The following NEB variants were observed in gnomAD, a reference collection of about 807,000 sequenced individuals.
NEB encodes the protein nebulin.
A neutral mutation model predicts 952.2 loss-of-function variants in NEB; 512 were observed. The ratio of observed to expected loss-of-function variants is 0.54; its 90% CI spans 0.50 to 0.58. NEB has a LOEUF of 0.58. Ranked by LOEUF, NEB falls within the 20% of genes least tolerant of loss-of-function variation. NEB has a pLI of 0.00. For missense variants in NEB, 8,428 were observed against 9,231.1 expected (o/e 0.91, Z 3.56); for synonymous variants, 2,900 against 3,149.8 (o/e 0.92, Z 2.66).
Position 151,614,473 on chromosome 2 carries a change from T to A in NEB, c.11404A>T (p.Arg3802Trp). 1 of 1,613,922 alleles carries A rather than the reference T, an allele frequency of 6.2e-7. No homozygotes were observed. The highest frequency in any genetic ancestry group is 8.5e-7 in the Non-Finnish European group (1 of 1,179,846). Residue 3802 changes from arginine to tryptophan, a missense_variant, in exon 77 of 182, where the codon AGG becomes TGG. Physicochemically the swap from Arg to Trp is moderately radical, Grantham distance 101. Coordinates refer to ENST00000397345, the MANE Select transcript of NEB (RefSeq NM_001164508.2). ...SIHVAKIQSD[R>W]EYKKEFEKWK... ...TTCTCAAACTCCTTCTTGTACTCCC[T>A]GTCACTCTGGATCTTGGCCACATGG...
intron 142 of NEB, among the ~76,000 whole-genome samples, chr2:151,533,986 C>T (rs2092492421): frequency 6.6e-6 from 1 of 152,148 alleles, no homozygotes; most frequent in Non-Finnish European, 1.5e-5. Flanking sequence ...GATGGGAGGA[C>T]CCAGCTTTTC....
At chr2:151,618,691 AG>A (rs2098288593) in intron 73 of NEB, among the ~76,000 whole-genome samples, 1 of 152,216 alleles carries the variant, frequency 6.6e-6, no homozygotes, top group Non-Finnish European at 1.5e-5. Flanking sequence ...GAATGATAAA[AG>A]ATCTTCTTTT....
chr2:151,694,336 T>G lies in NEB; in HGVS notation c.1883A>C (p.Lys628Thr), dbSNP rs1176664285. 6.2e-7 allele frequency: 1 copy of G among 1,613,848 alleles called. No homozygotes were observed. Among genetic ancestry groups the G allele is most frequent in the East Asian group, 2.2e-5 (1 of 44,888 alleles). Residue 628 changes from lysine to threonine, a missense_variant, in exon 20 of 182, where the codon AAA becomes ACA. By Grantham distance (78) the Lys-to-Thr change is moderately conservative. Transcript: ENST00000397345. The stretch of plus-strand genomic sequence containing the variant: ...AAAGAAACTCACATCACTCTGGTTT[T>G]TGGCCACCTTCAAGGAGTGCAGCAT... ...PKMLHSLKVAKNQSDRLYKEN... is the reference protein window; with the variant it reads ...PKMLHSLKVATNQSDRLYKEN...
At chr2:151,547,990 G>A (rs1386963552) in intron 131 of NEB, among the ~76,000 whole-genome samples, 1 of 152,174 alleles carries the variant, frequency 6.6e-6, no homozygotes. Context: ...AATAGTTGGT[G>A]TAGAAAACCA....
chr2:151,673,887 C>T (rs2099330626), intron 36 of NEB, among the ~76,000 whole-genome samples: 2 of 151,918 alleles, frequency 1.3e-5, no homozygotes, highest in African/African-American at 4.8e-5. Flanking sequence ...GTGCCCGCCA[C>T]CATTCGATCT....
At chr2:151,505,598 G>A (rs2068145528) in intron 164 of NEB, 28 bp from the exon 165 acceptor site, 1 of 1,551,816 alleles carries the variant, frequency 6.4e-7, no homozygotes, top group South Asian at 1.1e-5. Flanking sequence ...GGAAAAGAAA[G>A]GTATTATTAC....
intron 8 of NEB, 63 bp from the exon 9 acceptor site, chr2:151,723,549 T>C: frequency 8.3e-7 from 1 of 1,201,134 alleles, no homozygotes; most frequent in South Asian, 1.3e-5. Context: ...AAATACATAG[T>C]TTTGAATTCA....
In NEB at chr2:151,655,912, T is replaced by G; in HGVS notation, c.6607A>C (p.Lys2203Gln). 1 of 1,613,872 alleles carries G rather than the reference T, an allele frequency of 6.2e-7. No homozygotes were observed. The highest frequency in any genetic ancestry group is 1.1e-5 in the South Asian group (1 of 91,086). The change falls in exon 50 of 182, where the codon AAA becomes CAA. Residue 2203 changes from lysine (K) to glutamine (Q), a missense_variant. Around this residue, in one of 11 missense-constraint regions of NEB, gnomAD observed 2,851 missense variants for 2,791.5 expected, o/e 1.02. Transcript: ENST00000397345. The part of the protein sequence containing the change: ...KKATEYASDQ[K>Q]YRQHPSNFQF... ...AAGTTGCTCGGGTGCTGGCGGTATT[T>G]CTGATCACTGGCATATTCAGTTGCT... is the stretch of plus-strand genomic sequence containing the variant.
chr2:151,537,138 G>A lies in NEB; in HGVS notation c.21201C>T (p.Tyr7067=). The change falls in exon 141 of 182, where the codon TAC becomes TAT. Residue 7067 remains tyrosine, a synonymous_variant. Coordinates refer to ENST00000397345, the MANE Select transcript of NEB (RefSeq NM_001164508.2). The stretch of plus-strand genomic sequence containing the variant: ...TCTCCTTGAGTATATATACCTTGCT[G>A]TAGAGAGTCTTGTTCTTTTCAGCCA... ...FTLAEKNKTL[Y]SKYKYKEVFE... The A allele has an allele frequency of 6.2e-7, 1 of 1,605,382 alleles. No individual in the cohort carries two copies. The highest frequency in any genetic ancestry group is 8.5e-7 in the Non-Finnish European group (1 of 1,172,416).
In NEB at chr2:151,640,541, C is replaced by G; in HGVS notation, c.8499G>C (p.Lys2833Asn). The change falls in exon 61 of 182, where the codon AAG becomes AAC. Residue 2833 changes from lysine (K) to asparagine (N), a missense_variant. Coordinates refer to ENST00000397345, the MANE Select transcript of NEB (RefSeq NM_001164508.2). The stretch of plus-strand genomic sequence containing the variant: ...TGGTCTTCCACTTCTCAAAGTCCTT[C>G]TTGTACTCCCTGTCACTCTGGATCT... The part of the protein sequence containing the change: ...VAKIQSDREY[K>N]KDFEKWKTKF... 6.2e-7 allele frequency: 1 copy of G among 1,613,946 alleles called. No homozygotes were observed. Among genetic ancestry groups the G allele is most frequent in the Non-Finnish European group, 8.5e-7 (1 of 1,179,872 alleles).
chr2:151,567,659 T>G (rs1439546130), intron 113 of NEB, among the ~76,000 whole-genome samples, 180 bp from the exon 114 acceptor site: 1 of 151,354 alleles, frequency 6.6e-6, no homozygotes. Context: ...AAACACCCAT[T>G]TAAAAATAGA....
intron 181 of NEB, among the ~76,000 whole-genome samples, chr2:151,486,942 G>A (rs2051004489): frequency 6.6e-6 from 1 of 152,084 alleles, no homozygotes; most frequent in South Asian, 2.1e-4. Context: ...TTTTTTTATG[G>A]TGATGAAAGT....
At chr2:151,494,793 C>T (rs190319656) in intron 173 of NEB, among the ~76,000 whole-genome samples, 38 of 152,212 alleles carry the variant, frequency 2.5e-4, no homozygotes, top group African/African-American at 8.2e-4. Flanking sequence ...GGATTACAGG[C>T]GTGCACCACC....
intron 55 of NEB, 39 bp from the exon 56 acceptor site, chr2:151,644,614 C>A: frequency 6.7e-7 from 1 of 1,499,618 alleles, no homozygotes; most frequent in Non-Finnish European, 9.3e-7. Context: ...AATACTGTTC[C>A]CCATAGACAA....
intron 61 of NEB, 113 bp from the exon 62 acceptor site, chr2:151,640,173 C>A: frequency 6.8e-7 from 1 of 1,460,756 alleles, no homozygotes; most frequent in South Asian, 1.3e-5. Flanking sequence ...GTGGACGGGC[C>A]AGGTATCACA....
intron 179 of NEB, chr2:151,491,275 G>C (rs1353325585): frequency 1.9e-5 from 3 of 161,034 alleles, no homozygotes; most frequent in African/African-American, 7.2e-5. Flanking sequence ...ATGAAAAGAA[G>C]GAATGAAGTT....
chr2:151,680,802 G>T lies in NEB; in HGVS notation c.2970C>A (p.Thr990=), dbSNP rs747505579. 6.2e-7 allele frequency: 1 copy of T among 1,613,148 alleles called. No individual in the cohort carries two copies. Among genetic ancestry groups the T allele is most frequent in the Non-Finnish European group, 8.5e-7 (1 of 1,179,300 alleles). The change falls in exon 30 of 182, where the codon ACC becomes ACA. Residue 990 remains threonine (T), a synonymous_variant. Coordinates refer to ENST00000397345, the MANE Select transcript of NEB (RefSeq NM_001164508.2). ...NEKKYRQHPD[T]LKFTSIEDAP... Reference sequence around the variant, plus strand: ...CATCTTCAATCGAGGTAAACTTGAGGGTGTCTGGATGTTGGCGATATTTTT... The same window carrying T: ...CATCTTCAATCGAGGTAAACTTGAGTGTGTCTGGATGTTGGCGATATTTTT...
chr2:151,639,439 A>C (rs1241519860), intron 62 of NEB, 55 bp from the exon 63 acceptor site: 1 of 1,267,664 alleles, frequency 7.9e-7, no homozygotes, highest in Admixed American at 2.8e-5. Flanking sequence ...TATAGTTAAT[A>C]GGAATTTTAG....
At chr2:151,650,078 C>T in intron 54 of NEB, 98 bp downstream of exon 54, 2 of 1,087,552 alleles carry the variant, frequency 1.8e-6, no homozygotes, top group Non-Finnish European at 2.7e-6. Flanking sequence ...ATGTATGAGG[C>T]AATGCTTTGT....
Sources: allele counts gnomAD v4.1 joint callset (sites outside exome capture counted in the v4.1 genomes callset), GRCh38; gene constraint gnomAD v4.1.1; regional missense constraint gnomAD v4.1.1; transcripts MANE v1.5; gene names NCBI Gene and HGNC (gene_info 2026-07-23, HGNC 2026-07-21).